SLX4IP: variants seen among roughly 807,000 people sequenced by gnomAD.
SLX4IP encodes SLX4 interacting protein, also known as protein SLX4IP.
A neutral mutation model predicts 32.9 loss-of-function variants in SLX4IP; 34 were observed. The ratio of observed to expected loss-of-function variants is 1.03; its 90% confidence interval spans 0.79 to 1.38. The LOEUF is 1.38. SLX4IP is among the 40% of genes most tolerant of loss of function. The probability of loss-of-function intolerance (pLI) is 0.00; values close to 1 mark genes in which losing one functional copy is unlikely to be tolerated. For missense variants in SLX4IP, 444 were observed against 479.0 expected, an observed-to-expected ratio of 0.93 and a Z score of 0.68; for synonymous variants, 172 against 171.7, an observed-to-expected ratio of 1.00 and a Z score of -0.01.
intron 4 of SLX4IP, among the ~76,000 whole-genome samples, chr20:10,578,604 G>A (rs1402209528): frequency 6.6e-6 from 1 of 152,166 alleles, no homozygotes; most frequent in East Asian, 1.9e-4. Context: ...ACCTACGAAT[G>A]GAATTTCTGG....
At chr20:10,537,334 C>T (rs1056701961) in intron 2 of SLX4IP, among the ~76,000 whole-genome samples, 16 of 152,108 alleles carry the variant, frequency 1.1e-4, no homozygotes, top group Non-Finnish European at 4.4e-5. Context: ...TTGGTTGGCA[C>T]CTCTCTTTCC....
intron 4 of SLX4IP, among the ~76,000 whole-genome samples, chr20:10,579,471 A>T (rs765118904): frequency 3.3e-5 from 5 of 150,264 alleles, no homozygotes; most frequent in Non-Finnish European, 7.4e-5. Context: ...TCTGTCGCCC[A>T]GGCTGGAGTG....
chr20:10,564,532 T>C (rs1813026519), intron 4 of SLX4IP, among the ~76,000 whole-genome samples: 1 of 152,212 alleles, frequency 6.6e-6, no homozygotes, highest in African/African-American at 2.4e-5. Context: ...ATACTTAATA[T>C]ACAACCCTGG....
chr20:10,487,268 C>T (rs981301211), intron 2 of SLX4IP, among the ~76,000 whole-genome samples: 5 of 152,126 alleles, frequency 3.3e-5, no homozygotes, highest in African/African-American at 1.2e-4. Flanking sequence ...CCAAGGCCAG[C>T]TGTAGATCAG....
intron 2 of SLX4IP, among the ~76,000 whole-genome samples, chr20:10,477,010 C>T (rs2065480233): frequency 6.6e-6 from 1 of 152,194 alleles, no homozygotes; most frequent in African/African-American, 2.4e-5. Context: ...CTTCAGTCTT[C>T]AGTTTAAATT....
chr20:10,479,445 T>C (rs973756985), intron 2 of SLX4IP, among the ~76,000 whole-genome samples: 23 of 149,054 alleles, frequency 1.5e-4, no homozygotes, highest in African/African-American at 5.4e-4. Context: ...CTCCGCCTCC[T>C]GGGTTCAAGC....
rs571550400 is a variant in SLX4IP at position 10,458,876 on chromosome 20, C to T, written c.27+645C>T. Among the ~76,000 whole-genome samples the T allele has an allele frequency of 1.8e-4, 27 of 152,144 alleles. No homozygotes were observed. The South Asian group carries it at 5.4e-3, about 30-fold the overall frequency. On this transcript the variant is annotated intron_variant, in intron 2 of 7. Coordinates refer to ENST00000334534, the MANE Select transcript of SLX4IP (RefSeq NM_001009608.3). ...GATTTATATCTTGGGAGGTATATAC[C>T]CGGTAATGGGATTGCTGGGTCAAAT...
intron 2 of SLX4IP, among the ~76,000 whole-genome samples, chr20:10,548,077 A>T (rs1404593380): frequency 6.6e-6 from 1 of 152,208 alleles, no homozygotes. Context: ...CCTTGAAGGC[A>T]ATTTAGTTCA....
chr20:10,613,555 T>A (rs747532797), intron 6 of SLX4IP: 13 of 1,612,092 alleles, frequency 8.1e-6, no homozygotes, highest in Non-Finnish European at 1.1e-5. Flanking sequence ...TTTTGTCTGC[T>A]CTGAATGGCT....
chr20:10,590,423 C>T (rs932324425), intron 4 of SLX4IP, among the ~76,000 whole-genome samples: 27 of 152,030 alleles, frequency 1.8e-4, no homozygotes, highest in African/African-American at 4.3e-4. Flanking sequence ...TGCAGTGGCG[C>T]GATCTCGGCT....
chr20:10,618,391 A>C (rs1396667250), intron 6 of SLX4IP, among the ~76,000 whole-genome samples: 1 of 152,214 alleles, frequency 6.6e-6, no homozygotes, highest in Non-Finnish European at 1.5e-5. Context: ...AAAATCTTAA[A>C]AGTATAACCA....
intron 4 of SLX4IP, among the ~76,000 whole-genome samples, chr20:10,585,714 C>G (rs1284545285): frequency 6.6e-6 from 1 of 151,996 alleles, no homozygotes; most frequent in African/African-American, 2.4e-5. Context: ...AGCCTCCCTC[C>G]TGAGTAGCTG....
At chr20:10,621,706 A>G (rs915863287) in intron 7 of SLX4IP, among the ~76,000 whole-genome samples, 1 of 117,642 alleles carries the variant, frequency 8.5e-6, no homozygotes, top group Non-Finnish European at 1.8e-5. Context: ...CAGATCTAGA[A>G]AAAAAAAAAT....
At chr20:10,462,548 T>C (rs188412456) in intron 2 of SLX4IP, among the ~76,000 whole-genome samples, 1 of 152,304 alleles carries the variant, frequency 6.6e-6, no homozygotes, top group Admixed American at 6.5e-5. Flanking sequence ...AACCAAGAAT[T>C]CCCTTTACAG....
At chr20:10,507,121 T>G (rs558941185) in intron 2 of SLX4IP, among the ~76,000 whole-genome samples, 1 of 152,196 alleles carries the variant, frequency 6.6e-6, no homozygotes, top group Non-Finnish European at 1.5e-5. Flanking sequence ...TTGAGAAGAC[T>G]TGAAGAGATG....
intron 2 of SLX4IP, among the ~76,000 whole-genome samples, chr20:10,542,067 G>T (rs1422854708): frequency 1.3e-5 from 2 of 152,186 alleles, no homozygotes; most frequent in Non-Finnish European, 2.9e-5. Flanking sequence ...TGCATTGGAT[G>T]GTTGAAGTAA....
chr20:10,587,672 TAGAG>T (rs1018892753), intron 4 of SLX4IP, among the ~76,000 whole-genome samples: 7 of 151,828 alleles, frequency 4.6e-5, no homozygotes, highest in African/African-American at 9.7e-5. Context: ...CAGAACAAAA[TAGAG>T]AGCCCAGAAA....
rs2067161934 is a variant in SLX4IP, at chr20:10,625,455, GAGA to G, written c.*2079_*2081del. 1 of 152,206 alleles carries G rather than the reference GAGA, an allele frequency of 6.6e-6. No homozygotes were observed. Among genetic ancestry groups the G allele is most frequent in the Non-Finnish European group, 1.5e-5 (1 of 68,038 alleles). The allele number at this position is 152,206 out of a possible 1,614,324, so 9.4% of individuals were successfully genotyped here. On this transcript the variant is annotated 3_prime_UTR_variant, in exon 8 of 8. Coordinates refer to ENST00000334534, the MANE Select transcript of SLX4IP (RefSeq NM_001009608.3). ...GGAGCCACCAGAGAACATTTCTATTGAGAAGTTTTTATTTGTTTGTTCTGTTGG... is the reference window on the plus strand; with the variant it reads ...GGAGCCACCAGAGAACATTTCTATTGAGTTTTTATTTGTTTGTTCTGTTGG...
intron 2 of SLX4IP, among the ~76,000 whole-genome samples, chr20:10,501,538 A>G (rs948985158): frequency 1.8e-4 from 28 of 152,236 alleles, no homozygotes; most frequent in African/African-American, 5.5e-4. Context: ...CAGAGGCGGA[A>G]CTGCTCATGA....
Sources: gnomAD v4.1 joint callset for allele counts (sites outside exome capture counted in the v4.1 genomes callset) on GRCh38, gnomAD v4.1.1 for gene constraint, MANE v1.5 for transcripts, NCBI Gene and HGNC (gene_info 2026-07-23, HGNC 2026-07-21) for gene names.